The following EIF4G3 variants were observed in gnomAD, a reference collection of about 807,000 sequenced individuals.
EIF4G3 encodes the protein eIF-4-gamma 3.
A neutral mutation model predicts 186.4 loss-of-function variants in EIF4G3; 34 were observed. The ratio of observed to expected loss-of-function variants is 0.18; its 90% CI spans 0.14 to 0.24. The LOEUF (loss-of-function observed/expected upper bound fraction) is 0.24. EIF4G3 is among the 10% of genes least tolerant of loss of function. EIF4G3 has a pLI of 1.00. For missense variants in EIF4G3, 1,536 were observed against 1,948.5 expected, an observed-to-expected ratio of 0.79 and a Z score of 3.99; for synonymous variants, 673 against 679.5, an observed-to-expected ratio of 0.99 and a Z score of 0.15.
At chr1:20,829,316 A>G (rs2064474044) in intron 30 of EIF4G3, 44 bp from the exon 31 acceptor site, 3 of 1,599,360 alleles carry the variant, frequency 1.9e-6, no homozygotes, top group Non-Finnish European at 2.6e-6. Context: ...AATGTAATTC[A>G]AAAGTTAAAA....
intron 3 of EIF4G3, among the ~76,000 whole-genome samples, chr1:21,068,375 TAAAAAAAAAA>T (rs869306512): frequency 5.9e-5 from 4 of 67,832 alleles, no homozygotes; most frequent in Middle Eastern, 0.013. Context: ...ACTCTGTCTT[TAAAAAAAAAA>T]AAAAAAAAAA....
intron 12 of EIF4G3, among the ~76,000 whole-genome samples, chr1:20,960,594 A>T (rs533880779): frequency 6.6e-6 from 1 of 152,198 alleles, no homozygotes; most frequent in South Asian, 2.1e-4. Context: ...TTTACTGAAA[A>T]TAAAAAACAT....
chr1:21,171,564 T>G (rs1165968525), intron 2 of EIF4G3, among the ~76,000 whole-genome samples: 1 of 152,196 alleles, frequency 6.6e-6, no homozygotes, highest in Non-Finnish European at 1.5e-5. Context: ...CTCTGCCCCA[T>G]GTTAGTATCT....
intron 11 of EIF4G3, among the ~76,000 whole-genome samples, chr1:20,971,833 C>G (rs1182688185): frequency 6.6e-6 from 1 of 152,194 alleles, no homozygotes; most frequent in East Asian, 1.9e-4. Context: ...GGGTTTTCGC[C>G]ATGTTGGCCA....
intron 14 of EIF4G3, among the ~76,000 whole-genome samples, chr1:20,922,088 A>G (rs986699573): frequency 6.6e-6 from 1 of 152,158 alleles, no homozygotes; most frequent in African/African-American, 2.4e-5. Flanking sequence ...TCTTAGGCCT[A>G]TATTCGTATC....
intron 12 of EIF4G3, among the ~76,000 whole-genome samples, chr1:20,961,219 C>G (rs2096561581): frequency 6.6e-6 from 1 of 151,978 alleles, no homozygotes; most frequent in African/African-American, 2.4e-5. Context: ...CCCGTCTCTA[C>G]TAAAAACACA....
intron 14 of EIF4G3, among the ~76,000 whole-genome samples, chr1:20,937,996 A>T (rs539929313): frequency 7.0e-6 from 1 of 143,540 alleles, no homozygotes; most frequent in East Asian, 1.9e-4. Flanking sequence ...AAAACAACTG[A>T]TGCTTTCTTT....
At chr1:21,073,626 CA>C in intron 3 of EIF4G3, 1 of 518,520 alleles carries the variant, frequency 1.9e-6, no homozygotes, top group Non-Finnish European at 3.8e-6. Flanking sequence ...TCTCCCTGGG[CA>C]CACGCCACAT....
chr1:21,149,155 C>A (rs1443890197), intron 2 of EIF4G3, among the ~76,000 whole-genome samples: 1 of 150,656 alleles, frequency 6.6e-6, no homozygotes, highest in African/African-American at 2.4e-5. Flanking sequence ...AAAAATAATA[C>A]AAAGTTACAT....
At chr1:21,123,562 C>CAA (rs796201449) in intron 2 of EIF4G3, among the ~76,000 whole-genome samples, 122 of 74,592 alleles carry the variant, frequency 1.6e-3, no homozygotes, top group African/African-American at 4.9e-3. Context: ...AAGACTGTCT[C>CAA]AAAAAAAAAA....
chr1:20,862,207 A>AT (rs374200131), intron 23 of EIF4G3, 21 bp downstream of exon 23: 7,434 of 1,262,888 alleles, frequency 5.9e-3, no homozygotes, highest in South Asian at 8.2e-3. Context: ...CAGGCTTATT[A>AT]TTATTTTTTT....
At chr1:20,930,426 T>C (rs549351239) in intron 14 of EIF4G3, among the ~76,000 whole-genome samples, 2 of 152,364 alleles carry the variant, frequency 1.3e-5, no homozygotes, top group South Asian at 4.1e-4. Flanking sequence ...ATGTCTATAA[T>C]GTTCACAGTA....
chr1:20,961,257 C>T (rs2096562754), intron 12 of EIF4G3, among the ~76,000 whole-genome samples: 1 of 151,984 alleles, frequency 6.6e-6, no homozygotes, highest in Non-Finnish European at 1.5e-5. Flanking sequence ...GTGGTGCATG[C>T]CTGTAATCCC....
At chr1:21,091,983 T>C (rs2096219400) in intron 2 of EIF4G3, among the ~76,000 whole-genome samples, 1 of 152,212 alleles carries the variant, frequency 6.6e-6, no homozygotes, top group African/African-American at 2.4e-5. Context: ...ATACCCTTTA[T>C]TTCTTTCTCC....
At chr1:21,061,619 G>C (rs2094917113) in intron 3 of EIF4G3, among the ~76,000 whole-genome samples, 1 of 151,914 alleles carries the variant, frequency 6.6e-6, no homozygotes. Context: ...ACTTATGAGA[G>C]GAAGATGGCA....
intron 2 of EIF4G3, among the ~76,000 whole-genome samples, chr1:21,093,278 A>G (rs1339815821): frequency 1.3e-5 from 2 of 152,218 alleles, no homozygotes; most frequent in African/African-American, 2.4e-5. Context: ...ACCCCATCAC[A>G]AAGTGGGCAA....
intron 2 of EIF4G3, among the ~76,000 whole-genome samples, chr1:21,139,754 T>A (rs963854401): frequency 6.6e-6 from 1 of 152,134 alleles, no homozygotes; most frequent in East Asian, 1.9e-4. Flanking sequence ...CAGTGGCTAT[T>A]TACAGCCACG....
intron 13 of EIF4G3, among the ~76,000 whole-genome samples, chr1:20,949,325 C>T (rs2096102606): frequency 1.3e-5 from 2 of 152,144 alleles, no homozygotes; most frequent in Admixed American, 1.3e-4. Flanking sequence ...CATTTGGCAC[C>T]TTCATGTTCA....
intron 34 of EIF4G3, 126 bp from the exon 35 acceptor site, chr1:20,813,365 C>G: frequency 6.1e-6 from 3 of 490,218 alleles, no homozygotes; most frequent in Non-Finnish European, 1.1e-5. Context: ...GGAGTTGAGA[C>G]CAGTCTGGGC....
Sources: gnomAD v4.1 joint callset for allele counts (sites outside exome capture counted in the v4.1 genomes callset) on GRCh38, gnomAD v4.1.1 for gene constraint, MANE v1.5 for transcripts, NCBI Gene and HGNC (gene_info 2026-07-23, HGNC 2026-07-21) for gene names.